SBF2: variants seen among roughly 807,000 people sequenced by gnomAD.
The protein encoded by SBF2 is myotubularin-related protein 13.
A neutral mutation model predicts 225.2 loss-of-function variants in SBF2; 112 were observed. The ratio of observed to expected loss-of-function variants is 0.50; its 90% CI spans 0.43 to 0.58. SBF2 has a LOEUF of 0.58. SBF2 is among the 20% of genes least tolerant of loss of function. SBF2 has a pLI of 0.00. For missense variants in SBF2, 1,996 were observed against 2,206.2 expected (o/e 0.90, Z 1.91); for synonymous variants, 763 against 773.3 (o/e 0.99, Z 0.22).
intron 2 of SBF2, among the ~76,000 whole-genome samples, chr11:10,105,464 T>C (rs779887194): frequency 9.9e-5 from 15 of 152,232 alleles, no homozygotes; most frequent in Non-Finnish European, 1.5e-4. Context: ...CACACCACTA[T>C]AATCTTACTA....
At chr11:10,011,172 C>T (rs528493307) in intron 6 of SBF2, among the ~76,000 whole-genome samples, 9 of 152,180 alleles carry the variant, frequency 5.9e-5, no homozygotes, top group Admixed American at 2.0e-4. Flanking sequence ...CGTGTGAAAT[C>T]GAATTATTAA....
At chr11:10,260,062 T>C (rs1210713132) in intron 1 of SBF2, among the ~76,000 whole-genome samples, 3 of 152,226 alleles carry the variant, frequency 2.0e-5, no homozygotes, top group Non-Finnish European at 4.4e-5. Flanking sequence ...CATCATTCTC[T>C]GATTTGGATA....
At chr11:10,111,039 A>C (rs1358761115) in intron 2 of SBF2, among the ~76,000 whole-genome samples, 1 of 152,196 alleles carries the variant, frequency 6.6e-6, no homozygotes, top group East Asian at 1.9e-4. Flanking sequence ...TATCAATGCA[A>C]ATTACAGGAG....
chr11:9,909,786 A>G lies in SBF2; in HGVS notation c.1861-13775T>C, dbSNP rs1241912224. ...TGGGTTTATTTTCAGAAGTTAACCTACTGAAACCTAACCTTCTATAGCTCA... is the reference window on the plus strand; with the variant it reads ...TGGGTTTATTTTCAGAAGTTAACCTGCTGAAACCTAACCTTCTATAGCTCA... On this transcript the variant is annotated intron_variant, in intron 16 of 39. Coordinates refer to ENST00000256190, the MANE Select transcript of SBF2 (RefSeq NM_030962.4). 2.6e-5 allele frequency among the ~76,000 whole-genome samples: 4 copies of G among 152,134 alleles called. No homozygotes were observed. The East Asian group carries it at 5.8e-4, about 22-fold the overall frequency.
At chr11:10,274,127 T>A (rs908650363) in intron 1 of SBF2, among the ~76,000 whole-genome samples, 1 of 152,142 alleles carries the variant, frequency 6.6e-6, no homozygotes, top group African/African-American at 2.4e-5. Context: ...GCAGTGGGAG[T>A]TAGGCCAGAA....
At chr11:10,063,910 G>C (rs1434973206) in intron 2 of SBF2, among the ~76,000 whole-genome samples, 1 of 149,180 alleles carries the variant, frequency 6.7e-6, no homozygotes, top group Non-Finnish European at 1.5e-5. Flanking sequence ...TGAGCTGTAA[G>C]AGAACTTCAA....
intron 1 of SBF2, among the ~76,000 whole-genome samples, chr11:10,275,320 G>A (rs957397341): frequency 6.6e-6 from 1 of 150,662 alleles, no homozygotes; most frequent in African/African-American, 2.4e-5. Flanking sequence ...AACTATAAAA[G>A]CACAATATGG....
intron 28 of SBF2, among the ~76,000 whole-genome samples, chr11:9,824,516 T>C (rs1272361064): frequency 2.7e-5 from 4 of 146,166 alleles, no homozygotes; most frequent in Non-Finnish European, 5.9e-5. Context: ...AAGATCAAGA[T>C]CGCTCCACTG....
At chr11:9,984,318 A>T (rs552473272) in intron 13 of SBF2, among the ~76,000 whole-genome samples, 39 of 152,324 alleles carry the variant, frequency 2.6e-4, no homozygotes, top group African/African-American at 8.7e-4. Context: ...CTGAACAAGT[A>T]GAAGAAAGAA....
chr11:9,960,669 T>TA (rs1565062657), intron 16 of SBF2: 42 of 127,270 alleles, frequency 3.3e-4, no homozygotes, highest in East Asian at 6.6e-4. Flanking sequence ...TAATAATAAT[T>TA]ATTATTATTT....
At chr11:9,886,220 C>T (rs2134102087) in intron 17 of SBF2, among the ~76,000 whole-genome samples, 1 of 152,318 alleles carries the variant, frequency 6.6e-6, no homozygotes, top group East Asian at 1.9e-4. Context: ...CTACTAAAGA[C>T]TGCTCAAATT....
At chr11:10,043,900 T>G (rs548124885) in intron 2 of SBF2, among the ~76,000 whole-genome samples, 2 of 152,170 alleles carry the variant, frequency 1.3e-5, no homozygotes, top group East Asian at 3.9e-4. Context: ...ATAACATGAG[T>G]CAAAGATGAA....
intron 26 of SBF2, among the ~76,000 whole-genome samples, chr11:9,837,203 T>C (rs920917409): frequency 6.6e-6 from 1 of 152,176 alleles, no homozygotes; most frequent in Non-Finnish European, 1.5e-5. Flanking sequence ...ATTTCTAAGA[T>C]AAGTAATTTC....
intron 2 of SBF2, among the ~76,000 whole-genome samples, chr11:10,135,236 C>G (rs1954290292): frequency 6.6e-6 from 1 of 152,018 alleles, no homozygotes; most frequent in Non-Finnish European, 1.5e-5. Flanking sequence ...AGTCCCTAGA[C>G]TGCACACAGC....
intron 1 of SBF2, among the ~76,000 whole-genome samples, chr11:10,209,923 A>G (rs1183580417): frequency 2.0e-5 from 3 of 152,114 alleles, no homozygotes; most frequent in African/African-American, 7.2e-5. Context: ...TCACTCCACT[A>G]TCTACAGGTT....
intron 1 of SBF2, among the ~76,000 whole-genome samples, chr11:10,282,230 C>A (rs1963457846): frequency 6.6e-6 from 1 of 152,084 alleles, no homozygotes; most frequent in Non-Finnish European, 1.5e-5. Flanking sequence ...TATCTTGGTT[C>A]TTTTGCAATA....
chr11:10,006,453 T>C (rs1380337661), intron 6 of SBF2, among the ~76,000 whole-genome samples: 1 of 152,198 alleles, frequency 6.6e-6, no homozygotes, highest in Non-Finnish European at 1.5e-5. Context: ...AGTTTTCCGG[T>C]GGCTTTTGAA....
chr11:9,955,308 T>C (rs1866089649), intron 16 of SBF2, among the ~76,000 whole-genome samples: 1 of 151,898 alleles, frequency 6.6e-6, no homozygotes, highest in East Asian at 1.9e-4. Context: ...TTTACTATCA[T>C]ATACATACAT....
intron 2 of SBF2, among the ~76,000 whole-genome samples, chr11:10,176,975 T>C (rs1330500398): frequency 6.6e-6 from 1 of 151,884 alleles, no homozygotes; most frequent in Non-Finnish European, 1.5e-5. Flanking sequence ...CAGCAGCACA[T>C]CAAAAAGCTT....
Sources: gnomAD v4.1 joint callset for allele counts (sites outside exome capture counted in the v4.1 genomes callset) on GRCh38, gnomAD v4.1.1 for gene constraint, MANE v1.5 for transcripts, NCBI Gene and HGNC (gene_info 2026-07-23, HGNC 2026-07-21) for gene names.